PSMG2: variants seen among roughly 807,000 people sequenced by gnomAD.
The protein encoded by PSMG2 is proteasome assembly chaperone 2.
Under a neutral mutation model 31.5 loss-of-function variants are expected in PSMG2, and 21 were observed. The observed-to-expected ratio is 0.67, with a 90% CI of 0.47 to 0.96. PSMG2 has a LOEUF of 0.96. PSMG2 is among the 40% of genes least tolerant of loss of function. The pLI, the probability that PSMG2 is intolerant of heterozygous loss-of-function variation, is 0.00. For missense variants in PSMG2, 318 were observed against 321.2 expected, an observed-to-expected ratio of 0.99 and a Z score of 0.08; for synonymous variants, 120 against 110.4, an observed-to-expected ratio of 1.09 and a Z score of -0.54.
chr18:12,680,915 T>C (rs944437447), intron 1 of PSMG2: 24 of 1,249,876 alleles, frequency 1.9e-5, no homozygotes, highest in Non-Finnish European at 2.6e-5. Context: ...TAAAAATTTA[T>C]TGGCTGGGCA....
chr18:12,689,836 C>T (rs1316690496), intron 1 of PSMG2, among the ~76,000 whole-genome samples: 3 of 152,146 alleles, frequency 2.0e-5, no homozygotes, highest in Admixed American at 6.5e-5. Flanking sequence ...GTTGCCCAGG[C>T]TGGAGTGCAA....
At chr18:12,690,613 G>A (rs915104921) in intron 1 of PSMG2, among the ~76,000 whole-genome samples, 7 of 151,978 alleles carry the variant, frequency 4.6e-5, no homozygotes, top group African/African-American at 1.7e-4. Context: ...CCGCCATCAC[G>A]CCCGGCTAAT....
chr18:12,658,920 T>G, intron 1 of PSMG2: 1 of 255,532 alleles, frequency 3.9e-6, no homozygotes, highest in East Asian at 1.2e-4. Context: ...CATTGGTCCC[T>G]TCCCTCACTA....
chr18:12,683,137 G>T (rs897100980), intron 1 of PSMG2, among the ~76,000 whole-genome samples: 3 of 144,606 alleles, frequency 2.1e-5, no homozygotes, highest in Non-Finnish European at 4.5e-5. Flanking sequence ...CTTGAGGCCA[G>T]GAGTTTGAGA....
chr18:12,659,282 TAAC>T (rs1276328277), intron 1 of PSMG2, among the ~76,000 whole-genome samples: 3 of 152,056 alleles, frequency 2.0e-5, no homozygotes, highest in South Asian at 2.1e-4. Flanking sequence ...TCTATTTAAA[TAAC>T]AACAGTCTAT....
chr18:12,701,686 G>A (rs1180316954), upstream of PSMG2, among the ~76,000 whole-genome samples: 1 of 152,154 alleles, frequency 6.6e-6, no homozygotes. Flanking sequence ...GAGCGCTGCA[G>A]AAACTGGAGG....
At chr18:12,712,452 A>G (rs920463878) in intron 2 of PSMG2, among the ~76,000 whole-genome samples, 1 of 152,228 alleles carries the variant, frequency 6.6e-6, no homozygotes, top group Non-Finnish European at 1.5e-5. Context: ...CAAAAGAAAA[A>G]TAATTTTTTA....
chr18:12,706,809 C>G (rs2040273678), intron 2 of PSMG2, 88 bp downstream of exon 2: 2 of 1,371,928 alleles, frequency 1.5e-6, no homozygotes. Context: ...TGTTTTGTAG[C>G]AAATGTTTAC....
At chr18:12,669,933 G>GTTGCGGTGAGCTGAGA (rs2038899497) in intron 1 of PSMG2, among the ~76,000 whole-genome samples, 2 of 149,454 alleles carry the variant, frequency 1.3e-5, no homozygotes, top group African/African-American at 4.9e-5. Context: ...GGAGGCGGAG[G>GTTGCGGTGAGCTGAGA]TTGCGGTGAG....
At chr18:12,694,457 G>T (rs1339693906) in intron 1 of PSMG2, among the ~76,000 whole-genome samples, 2 of 152,062 alleles carry the variant, frequency 1.3e-5, no homozygotes, top group East Asian at 1.9e-4. Flanking sequence ...CCAATGTGAA[G>T]GAATGAAAAA....
chr18:12,695,316 T>C (rs1436633389), intron 1 of PSMG2: 2 of 1,568,852 alleles, frequency 1.3e-6, no homozygotes, highest in African/African-American at 1.4e-5. Context: ...TCAAGTTTTA[T>C]ATTTAAAATT....
intron 1 of PSMG2, among the ~76,000 whole-genome samples, chr18:12,668,461 CAT>C (rs950655995): frequency 2.0e-5 from 3 of 151,274 alleles, no homozygotes; most frequent in Admixed American, 1.3e-4. Context: ...ATTAGCTGGG[CAT>C]AGTGGTGTGC....
chr18:12,681,827 C>A (rs1271812048), intron 1 of PSMG2, among the ~76,000 whole-genome samples: 1 of 151,500 alleles, frequency 6.6e-6, no homozygotes, highest in African/African-American at 2.4e-5. Context: ...TTATAAAGAC[C>A]TATAAAAAAA....
At chr18:12,673,245 G>T (rs1048473449) in intron 1 of PSMG2, 4 of 1,433,066 alleles carry the variant, frequency 2.8e-6, no homozygotes, top group African/African-American at 3.0e-5. Context: ...ATACAAAATT[G>T]AAGTATGCCA....
At chr18:12,691,436 A>G in intron 1 of PSMG2, 1 of 1,609,310 alleles carries the variant, frequency 6.2e-7, no homozygotes, top group Non-Finnish European at 8.5e-7. Context: ...TGCTTAGCAT[A>G]TACAAGAAAT....
chr18:12,664,762 A>G (rs2038771567), intron 1 of PSMG2, among the ~76,000 whole-genome samples: 1 of 150,408 alleles, frequency 6.6e-6, no homozygotes, highest in African/African-American at 2.5e-5. Context: ...GCAGTGGTAC[A>G]ATCTCAGCTC....
At chr18:12,678,124 C>T in intron 1 of PSMG2, 1 of 1,611,688 alleles carries the variant, frequency 6.2e-7, no homozygotes, top group Non-Finnish European at 8.5e-7. Flanking sequence ...TGTGTTCTGA[C>T]ACCAGGAGCC....
intron 2 of PSMG2, among the ~76,000 whole-genome samples, chr18:12,707,709 C>T (rs996710431): frequency 1.3e-5 from 2 of 152,226 alleles, no homozygotes; most frequent in Admixed American, 6.5e-5. Flanking sequence ...TGATGGCTAA[C>T]TGTTCTGGTG....
At chr18:12,702,104 C>T (rs892945889), upstream of PSMG2, among the ~76,000 whole-genome samples, 4 of 152,154 alleles carry the variant, frequency 2.6e-5, no homozygotes, top group African/African-American at 7.2e-5. Flanking sequence ...CCAGCCTGGG[C>T]AACAGAGAGA....
Sources: allele counts gnomAD v4.1 joint callset (sites outside exome capture counted in the v4.1 genomes callset), GRCh38; gene constraint gnomAD v4.1.1; transcripts MANE v1.5; gene names NCBI Gene and HGNC (gene_info 2026-07-23, HGNC 2026-07-21).